The following COL5A2 variants were observed in gnomAD, a reference collection of about 807,000 sequenced individuals.
COL5A2 encodes the protein collagen type V alpha 2 chain, also known as collagen alpha-2(V) chain.
In COL5A2, 23 loss-of-function variants were observed where a neutral mutation model predicts 208.2. That is an observed-to-expected ratio of 0.11 (90% CI 0.08 to 0.16). The LOEUF is 0.16. COL5A2 is among the 10% of genes least tolerant of loss of function. COL5A2 has a pLI of 1.00. For synonymous variants in COL5A2, 625 were observed against 628.5 expected, an observed-to-expected ratio of 0.99 and a Z score of 0.08; for missense variants, 1,590 against 1,956.4, an observed-to-expected ratio of 0.81 and a Z score of 3.53.
chr2:189,281,991 C>G, the COL5A2 span, among the ~76,000 whole-genome samples: 2 of 152,140 alleles, frequency 1.3e-5, no homozygotes, highest in Non-Finnish European at 2.9e-5. Context: ...CAAGACAAGC[C>G]TGGCTAACAT....
chr2:189,142,790 G>T (rs191154970), intron 1 of COL5A2, among the ~76,000 whole-genome samples: 1 of 151,494 alleles, frequency 6.6e-6, no homozygotes, highest in Non-Finnish European at 1.5e-5. Flanking sequence ...GCCCTCAGTC[G>T]CACTCTGGCC....
At chr2:189,138,805 C>T (rs1487569521) in intron 1 of COL5A2, among the ~76,000 whole-genome samples, 1 of 152,146 alleles carries the variant, frequency 6.6e-6, no homozygotes. Context: ...AAAACTGAAA[C>T]AGTTTGACAA....
intron 1 of COL5A2, among the ~76,000 whole-genome samples, chr2:189,125,603 A>T (rs570292171): frequency 2.0e-4 from 31 of 152,286 alleles, no homozygotes; most frequent in African/African-American, 7.5e-4. Context: ...AATCATAAAT[A>T]TATTTTCCCT....
chr2:189,307,066 T>C, the COL5A2 span, among the ~76,000 whole-genome samples: 1 of 152,212 alleles, frequency 6.6e-6, no homozygotes, highest in South Asian at 2.1e-4. Flanking sequence ...AAAAAGTTCA[T>C]TGATATATTT....
At chr2:189,228,594 C>G (rs1219939863), upstream of COL5A2, among the ~76,000 whole-genome samples, 2 of 151,750 alleles carry the variant, frequency 1.3e-5, no homozygotes, top group Non-Finnish European at 2.9e-5. Context: ...AACATATAGC[C>G]TATCAGAACT....
the COL5A2 span, among the ~76,000 whole-genome samples, chr2:189,265,400 C>T: frequency 6.6e-6 from 1 of 152,044 alleles, no homozygotes; most frequent in African/African-American, 2.4e-5. Flanking sequence ...TGCCACCAAC[C>T]CTTTGTGTTC....
the COL5A2 span, among the ~76,000 whole-genome samples, chr2:189,299,067 A>G: frequency 0.037 from 5,615 of 152,290 alleles, 118 homozygotes; most frequent in Admixed American, 0.05. Flanking sequence ...ACTATTTTCT[A>G]AAGTTGTATT....
the COL5A2 span, among the ~76,000 whole-genome samples, chr2:189,380,091 C>A: frequency 6.6e-6 from 1 of 151,578 alleles, no homozygotes; most frequent in East Asian, 1.9e-4. Flanking sequence ...AAGTAATTAC[C>A]ATTATTGTAG....
intron 1 of COL5A2, among the ~76,000 whole-genome samples, chr2:189,194,185 C>G (rs1460626374): frequency 6.6e-6 from 1 of 151,938 alleles, no homozygotes; most frequent in African/African-American, 2.4e-5. Flanking sequence ...CTCCTGATAC[C>G]AAACCAAAAG....
At chr2:189,431,710 T>C in the COL5A2 span, among the ~76,000 whole-genome samples, 1 of 152,110 alleles carries the variant, frequency 6.6e-6, no homozygotes, top group South Asian at 2.1e-4. Context: ...AAAGACCAAA[T>C]CTACGTCTGA....
intron 9 of COL5A2, among the ~76,000 whole-genome samples, chr2:189,086,500 G>T (rs1686665613): frequency 5.9e-5 from 9 of 152,124 alleles, no homozygotes; most frequent in Admixed American, 5.9e-4. Context: ...TCGAAGGTCA[G>T]TCACATAAAG....
chr2:189,277,393 T>G, the COL5A2 span, among the ~76,000 whole-genome samples: 1 of 152,072 alleles, frequency 6.6e-6, no homozygotes, highest in Non-Finnish European at 1.5e-5. Context: ...GCTTGTTTCA[T>G]AAAATAACAG....
intron 3 of COL5A2, among the ~76,000 whole-genome samples, chr2:189,101,207 AAC>A (rs1302849964): frequency 6.6e-6 from 1 of 152,128 alleles, no homozygotes; most frequent in East Asian, 1.9e-4. Flanking sequence ...AATGTAGAAA[AAC>A]ACAAGAAGAA....
rs191204980 is a variant in COL5A2 at position 189,123,513 on chromosome 2, G to T, written c.98-13064C>A. Among the ~76,000 whole-genome samples, 8 of 152,208 alleles carry T rather than the reference G, an allele frequency of 5.3e-5. No individual in the cohort carries two copies. In the East Asian group the frequency reaches 1.4e-3, roughly 26 times the overall value. ...GTGTCCTTATAAGGAGGGAAGAGGG[G>T]AATAGATACAGAGACTCAGACACTC... On this transcript the variant is annotated intron_variant, in intron 1 of 53. Coordinates refer to ENST00000374866, the MANE Select transcript of COL5A2 (RefSeq NM_000393.5).
At chr2:189,197,549 A>G (rs964144344) in intron 1 of COL5A2, among the ~76,000 whole-genome samples, 1 of 152,190 alleles carries the variant, frequency 6.6e-6, no homozygotes, top group African/African-American at 2.4e-5. Context: ...AAGGCACACA[A>G]AAGAACTCGT....
chr2:189,403,774 A>G, the COL5A2 span, among the ~76,000 whole-genome samples: 2 of 152,176 alleles, frequency 1.3e-5, no homozygotes, highest in Non-Finnish European at 2.9e-5. Flanking sequence ...AGCCTACTTA[A>G]TTGTGGTGGA....
At chr2:189,138,870 A>G (rs1023027692) in intron 1 of COL5A2, among the ~76,000 whole-genome samples, 3 of 152,204 alleles carry the variant, frequency 2.0e-5, no homozygotes, top group Non-Finnish European at 4.4e-5. Flanking sequence ...ATAAATATCT[A>G]TGAGTCCATA....
At position 189,032,284 on chromosome 2, in the gene COL5A2, A is replaced by T. The variant is rs1488731327; in HGVS notation, c.*1786T>A. On this transcript the variant is annotated 3_prime_UTR_variant, in exon 54 of 54. Coordinates refer to ENST00000374866, the MANE Select transcript of COL5A2 (RefSeq NM_000393.5). ...ATTGCTTGCCCTTTTTATCAATAAT[A>T]CTACTCTGACATTTTTAAGGGCAGA... is the stretch of plus-strand genomic sequence containing the variant. The T allele has an allele frequency of 6.6e-6, 1 of 152,144 alleles. No homozygotes were observed. The highest frequency in any genetic ancestry group is 2.4e-5 in the African/African-American group (1 of 41,436). The allele number at this position is 152,144 out of a possible 1,614,324, so 9.4% of individuals were successfully genotyped here.
At chr2:189,205,994 A>ACCC (rs771621425) in intron 1 of COL5A2, among the ~76,000 whole-genome samples, 1 of 152,174 alleles carries the variant, frequency 6.6e-6, no homozygotes, top group Non-Finnish European at 1.5e-5. Context: ...AACTGCTGTT[A>ACCC]CCATTTCTTA....
Sources: allele counts gnomAD v4.1 joint callset (sites outside exome capture counted in the v4.1 genomes callset), GRCh38; gene constraint gnomAD v4.1.1; transcripts MANE v1.5; gene names NCBI Gene and HGNC (gene_info 2026-07-23, HGNC 2026-07-21).